Variants in BMP6 observed in about 807,000 individuals in gnomAD.
BMP6 encodes bone morphogenetic protein 6.
In BMP6, 17 loss-of-function variants were observed where a neutral mutation model predicts 54.1. The observed-to-expected ratio is 0.31, with a 90% confidence interval of 0.22 to 0.47. BMP6 has a LOEUF of 0.47. BMP6 is among the 20% of genes least tolerant of loss of function. BMP6 has a pLI of 1.00. For missense variants in BMP6, 720 were observed against 690.4 expected, an observed-to-expected ratio of 1.04 and a Z score of -0.48; for synonymous variants, 328 against 291.2, an observed-to-expected ratio of 1.13 and a Z score of -1.28.
At chr6:7,838,333 C>A (rs1581270895) in intron 1 of BMP6, among the ~76,000 whole-genome samples, 2 of 152,220 alleles carry the variant, frequency 1.3e-5, no homozygotes, top group Non-Finnish European at 2.9e-5. Context: ...TTTCAGGCAT[C>A]CATTGGGGCC....
chr6:7,754,541 C>G (rs1199723069), intron 1 of BMP6, among the ~76,000 whole-genome samples: 1 of 152,154 alleles, frequency 6.6e-6, no homozygotes, highest in Admixed American at 6.5e-5. Flanking sequence ...TGTTTTGAAG[C>G]CCTGTTCCTG....
intron 1 of BMP6, among the ~76,000 whole-genome samples, chr6:7,840,963 T>G (rs1417258474): frequency 1.3e-5 from 2 of 152,154 alleles, no homozygotes; most frequent in African/African-American, 4.8e-5. Flanking sequence ...GTCCTATCTG[T>G]AGACTCGTGA....
At chr6:7,741,941 C>T (rs1535429) in intron 1 of BMP6, among the ~76,000 whole-genome samples, 99,675 of 152,088 alleles carry the variant, frequency 0.66, 34,238 homozygotes, top group Non-Finnish European at 0.76. Flanking sequence ...CCCCAAGTGC[C>T]TAGCATGGTG....
At chr6:7,868,193 T>C (rs1428709859) in intron 4 of BMP6, among the ~76,000 whole-genome samples, 1 of 152,196 alleles carries the variant, frequency 6.6e-6, no homozygotes, top group African/African-American at 2.4e-5. Flanking sequence ...CCAGATTAAA[T>C]GGGGCCTTAT....
rs1423166252 is a variant in BMP6, at chr6:7,754,909, C to T, written c.664+27290C>T. ...ATTTTTTTGTATTTTTAGTAGAGACCGGGTTTCACCGTGTTCTCCAGGATG... is the reference window on the plus strand; with the variant it reads ...ATTTTTTTGTATTTTTAGTAGAGACTGGGTTTCACCGTGTTCTCCAGGATG... On this transcript the variant is annotated intron_variant, in intron 1 of 6. Coordinates refer to ENST00000283147, the MANE Select transcript of BMP6 (RefSeq NM_001718.6). 2.6e-5 allele frequency among the ~76,000 whole-genome samples: 4 copies of T among 151,944 alleles called. 1 individual carries two copies. The highest frequency in any genetic ancestry group is 3.4e-3 in the Middle Eastern group (1 of 294).
chr6:7,773,654 A>C (rs1757821790), intron 1 of BMP6, among the ~76,000 whole-genome samples: 1 of 152,256 alleles, frequency 6.6e-6, no homozygotes, highest in African/African-American at 2.4e-5. Context: ...GGGATAAAGA[A>C]AAATGTGAAC....
chr6:7,785,646 G>C (rs145451582), intron 1 of BMP6, among the ~76,000 whole-genome samples: 4 of 152,150 alleles, frequency 2.6e-5, no homozygotes, highest in Non-Finnish European at 1.5e-5. Context: ...TAGAAGGAAC[G>C]TGAGGAGCAG....
chr6:7,752,978 A>G (rs1326206094), intron 1 of BMP6, among the ~76,000 whole-genome samples: 1 of 152,154 alleles, frequency 6.6e-6, no homozygotes, highest in Non-Finnish European at 1.5e-5. Context: ...TCAGCCTATC[A>G]TGCTGCAGAA....
In BMP6 at chr6:7,880,298, G is replaced by A. The variant is rs936873994; in HGVS notation, c.1497G>A (p.Leu499=). 4.3e-6 allele frequency: 7 copies of A among 1,613,950 alleles called. No homozygotes were observed. The highest frequency in any genetic ancestry group is 2.7e-5 in the African/African-American group (2 of 74,878). Residue 499 remains leucine, a synonymous_variant, in exon 7 of 7, where the codon CTG becomes CTA. Coordinates refer to ENST00000283147, the MANE Select transcript of BMP6 (RefSeq NM_001718.6). ...TTGATGACAACTCCAATGTCATTCT[G>A]AAAAAATACAGGAATATGGTTGTAA... ...LYFDDNSNVI[L]KKYRNMVVRA... is the part of the protein sequence containing the mutation.
chr6:7,754,125 T>C (rs1757471492), intron 1 of BMP6, among the ~76,000 whole-genome samples: 2 of 152,198 alleles, frequency 1.3e-5, no homozygotes, highest in South Asian at 4.1e-4. Flanking sequence ...TTTTTTTCTT[T>C]CTTTCTTTTT....
In BMP6 at chr6:7,839,601, A is replaced by G. The variant is rs773165251; in HGVS notation, c.665-5539A>G. On this transcript the variant is annotated intron_variant, in intron 1 of 6. Transcript: ENST00000283147. ...TGGGTGGCACATTTCACTTCACACA[A>G]TGTCCTCGGGGTTCATGTGGTACCA... is the stretch of plus-strand genomic sequence containing the variant. Among the ~76,000 whole-genome samples the G allele has an allele frequency of 7.9e-5, 12 of 152,276 alleles. No homozygotes were observed. The East Asian group carries it at 1.2e-3, about 15-fold the overall frequency.
chr6:7,769,373 G>C (rs557409631), intron 1 of BMP6, among the ~76,000 whole-genome samples: 2 of 152,180 alleles, frequency 1.3e-5, no homozygotes, highest in African/African-American at 4.8e-5. Context: ...GATGCCTGGG[G>C]GGGTGGGAGT....
chr6:7,795,986 G>A (rs1176757484), intron 1 of BMP6, among the ~76,000 whole-genome samples: 1 of 152,168 alleles, frequency 6.6e-6, no homozygotes, highest in Non-Finnish European at 1.5e-5. Context: ...CAAGTACGCA[G>A]TTGGAGTCAA....
intron 1 of BMP6, among the ~76,000 whole-genome samples, chr6:7,739,881 C>T (rs910604104): frequency 1.3e-5 from 2 of 152,106 alleles, no homozygotes; most frequent in African/African-American, 4.8e-5. Flanking sequence ...TATTTTTTAG[C>T]GCTTCTAAAA....
At chr6:7,803,470 C>G (rs566903571) in intron 1 of BMP6, among the ~76,000 whole-genome samples, 3 of 152,258 alleles carry the variant, frequency 2.0e-5, no homozygotes, top group South Asian at 2.1e-4. Context: ...ATCAGCTTGT[C>G]TTAATCTTTC....
chr6:7,834,218 T>C (rs1000604874), intron 1 of BMP6, among the ~76,000 whole-genome samples: 2 of 108,188 alleles, frequency 1.8e-5, no homozygotes, highest in African/African-American at 7.4e-5. Flanking sequence ...GAAAAAAAAG[T>C]AACCCAATTT....
chr6:7,837,388 A>G (rs554678103), intron 1 of BMP6, among the ~76,000 whole-genome samples: 20 of 152,234 alleles, frequency 1.3e-4, no homozygotes, highest in Non-Finnish European at 2.5e-4. Flanking sequence ...AGATCAAGGA[A>G]AAGTGAACGT....
intron 4 of BMP6, among the ~76,000 whole-genome samples, chr6:7,864,669 G>GA (rs1759390931): frequency 6.6e-6 from 1 of 152,072 alleles, no homozygotes. Context: ...CAGTAACTTG[G>GA]ATGTGGAGCT....
chr6:7,780,161 CTTGTG>C (rs939403471), intron 1 of BMP6, among the ~76,000 whole-genome samples: 5 of 152,232 alleles, frequency 3.3e-5, no homozygotes, highest in African/African-American at 4.8e-5. Context: ...TGTTCTCGCA[CTTGTG>C]TTGTGTTTCT....
Sources: allele counts gnomAD v4.1 joint callset (sites outside exome capture counted in the v4.1 genomes callset), GRCh38; gene constraint gnomAD v4.1.1; transcripts MANE v1.5; gene names NCBI Gene and HGNC (gene_info 2026-07-23, HGNC 2026-07-21).